Variants in USP16 observed in about 807,000 individuals in gnomAD.
USP16 encodes the protein ubiquitin carboxyl-terminal hydrolase 16.
Under a neutral mutation model 95.9 loss-of-function variants are expected in USP16, and 77 were observed. The ratio of observed to expected loss-of-function variants is 0.80; its 90% CI spans 0.67 to 0.97. The LOEUF is 0.97. Among genes scored for constraint, USP16 ranks in the 50% least tolerant of loss-of-function variants. The pLI, the probability that USP16 is intolerant of heterozygous loss-of-function variation, is 0.00. For missense variants in USP16, 943 were observed against 959.9 expected, an observed-to-expected ratio of 0.98 and a Z score of 0.23; for synonymous variants, 303 against 318.2, an observed-to-expected ratio of 0.95 and a Z score of 0.51.
At chr21:29,030,093 A>G (rs892579727) in intron 2 of USP16, among the ~76,000 whole-genome samples, 2 of 151,738 alleles carry the variant, frequency 1.3e-5, no homozygotes, top group African/African-American at 4.8e-5. Context: ...CTGCTATACC[A>G]TGTTTCGGAG....
chr21:29,028,085 A>G (rs915025082), intron 2 of USP16, 111 bp downstream of exon 2: 2 of 808,312 alleles, frequency 2.5e-6, no homozygotes, highest in Admixed American at 2.8e-5. Context: ...GCATTTTAAT[A>G]TAATGTTTGT....
At chr21:29,051,749 G>T (rs1399825413) in intron 16 of USP16, among the ~76,000 whole-genome samples, 2 of 151,948 alleles carry the variant, frequency 1.3e-5, no homozygotes, top group African/African-American at 4.8e-5. Flanking sequence ...GAGAATTGCT[G>T]GAACCTGGGA....
intron 3 of USP16, among the ~76,000 whole-genome samples, chr21:29,031,838 A>C (rs2085081803): frequency 6.6e-6 from 1 of 152,184 alleles, no homozygotes; most frequent in Non-Finnish European, 1.5e-5. Flanking sequence ...ATCCCTATGC[A>C]TTTTTCTCAG....
Position 29,050,172 on chromosome 21 carries a change from A to G in USP16, c.2187A>G (p.Lys729=). 6.2e-7 allele frequency: 1 copy of G among 1,612,864 alleles called. No homozygotes were observed. Among genetic ancestry groups the G allele is most frequent in the African/African-American group, 1.3e-5 (1 of 75,002 alleles). The stretch of plus-strand genomic sequence containing the variant: ...ATTTGGCTCCTTTTTGCACCCTTAA[A>G]TGTAAGGTAAGTCAAAGTGGTCTTT... ...ILDLAPFCTL[K]CKNVAEENTR... Residue 729 remains lysine, a synonymous_variant, in exon 16 of 18, where the codon AAA becomes AAG. Coordinates refer to ENST00000399976, the MANE Select transcript of USP16 (RefSeq NM_006447.3).
rs2085276023 is a variant in USP16 at position 29,043,520 on chromosome 21, A to G, written c.1277A>G (p.Lys426Arg). ...EEEKDNDSYI[K>R]ERSDIPSGTS... ...GAAAAAGATAACGACAGTTACATAAAAGAGAGAAGTGATATTCCTTCTGGA... is the reference window on the plus strand; with the variant it reads ...GAAAAAGATAACGACAGTTACATAAGAGAGAGAAGTGATATTCCTTCTGGA... Residue 426 changes from lysine (K) to arginine (R), a missense_variant, in exon 13 of 18, where the codon AAA becomes AGA. Coordinates refer to ENST00000399976, the MANE Select transcript of USP16 (RefSeq NM_006447.3). The G allele has an allele frequency of 1.2e-6, 2 of 1,601,682 alleles. No individual in the cohort carries two copies. Among genetic ancestry groups the G allele is most frequent in the Non-Finnish European group, 8.5e-7 (1 of 1,175,462 alleles).
chr21:29,049,954 G>C, intron 15 of USP16, 138 bp from the exon 16 acceptor site: 1 of 725,474 alleles, frequency 1.4e-6, no homozygotes, highest in South Asian at 2.1e-5. Context: ...TTAGTGTTCA[G>C]GAAGAATTGA....
rs2085338107 is a variant in USP16 at position 29,047,131 on chromosome 21, G to A, written c.1821G>A (p.Glu607=). Reference sequence around the variant, plus strand: ...ATACTCCTGGAACAAAGGTGTATGAGGTTGTAAATGAAGATCCAGAAACTG... The same window carrying A: ...ATACTCCTGGAACAAAGGTGTATGAAGTTGTAAATGAAGATCCAGAAACTG... ...DSHTPGTKVY[E]VVNEDPETAF... is the part of the protein sequence containing the mutation. The change falls in exon 14 of 18, where the codon GAG becomes GAA. Residue 607 remains glutamate, a synonymous_variant. Transcript: ENST00000399976. 1.2e-6 allele frequency: 2 copies of A among 1,613,960 alleles called. No homozygotes were observed. Among genetic ancestry groups the A allele is most frequent in the African/African-American group, 1.3e-5 (1 of 74,922 alleles).
intron 3 of USP16, 120 bp from the exon 4 acceptor site, chr21:29,034,717 T>C: frequency 2.2e-6 from 2 of 910,710 alleles, no homozygotes; most frequent in Non-Finnish European, 3.4e-6. Context: ...AACATTTTCT[T>C]TTCAAGATTG....
rs145151930 is a variant in USP16 at position 29,033,713 on chromosome 21, C to A, written c.241-1124C>A. 2.2e-4 allele frequency among the ~76,000 whole-genome samples: 34 copies of A among 152,136 alleles called. No individual in the cohort carries two copies. In the East Asian group the frequency reaches 4.4e-3, roughly 20 times the overall value. Reference sequence around the variant, plus strand: ...GCCTTGAGCCTTTGGGATTTATAGACCAGGTGAGAAAGGATATAAATATCA... The same window carrying A: ...GCCTTGAGCCTTTGGGATTTATAGAACAGGTGAGAAAGGATATAAATATCA... On this transcript the variant is annotated intron_variant, in intron 3 of 17. Transcript: ENST00000399976.
intron 16 of USP16, among the ~76,000 whole-genome samples, chr21:29,051,802 C>T (rs1225464168): frequency 6.6e-6 from 1 of 151,518 alleles, no homozygotes; most frequent in Admixed American, 6.6e-5. Context: ...TGCACTCCTG[C>T]CTAGGTGACA....
chr21:29,046,288 C>T (rs553518546), intron 13 of USP16, among the ~76,000 whole-genome samples: 2 of 152,192 alleles, frequency 1.3e-5, no homozygotes, highest in African/African-American at 4.8e-5. Flanking sequence ...AGGTGGACAC[C>T]AACGTGCCCA....
At chr21:29,037,988 C>T (rs184890629) in intron 6 of USP16, among the ~76,000 whole-genome samples, 9 of 152,316 alleles carry the variant, frequency 5.9e-5, no homozygotes, top group African/African-American at 1.9e-4. Context: ...TTTCATGGAG[C>T]TTGCACTTGG....
intron 3 of USP16, among the ~76,000 whole-genome samples, chr21:29,033,921 T>A (rs2085113583): frequency 6.6e-6 from 1 of 152,218 alleles, no homozygotes; most frequent in South Asian, 2.1e-4. Flanking sequence ...GGTAGCAGTG[T>A]TCATAAAGGA....
chr21:29,048,609 C>T (rs2085366610), intron 14 of USP16, 152 bp from the exon 15 acceptor site: 3 of 580,526 alleles, frequency 5.2e-6, no homozygotes, highest in South Asian at 5.2e-5. Context: ...GCCTCTTACT[C>T]CACAAATTCT....
rs769773454 is a variant in USP16, at chr21:29,047,193, C to T, written c.1883C>T (p.Thr628Ile). ...CTLANREVFN[T>I]DECSIQHCLY... The stretch of plus-strand genomic sequence containing the variant: ...CTTGCAAACAGGGAAGTTTTCAATA[C>T]TGATGAGTGTTCAATCCAACATTGT... Residue 628 changes from threonine to isoleucine, a missense_variant, in exon 14 of 18, where the codon ACT becomes ATT. Physicochemically the swap from Thr to Ile is moderately conservative, Grantham distance 89. Transcript: ENST00000399976. 1 of 1,614,172 alleles carries T rather than the reference C, an allele frequency of 6.2e-7. No homozygotes were observed. The highest frequency in any genetic ancestry group is 1.1e-5 in the South Asian group (1 of 91,084).
intron 3 of USP16, among the ~76,000 whole-genome samples, chr21:29,033,744 G>T (rs146674724): frequency 3.7e-4 from 56 of 152,288 alleles, no homozygotes; most frequent in African/African-American, 1.3e-3. Flanking sequence ...TATCAATAAC[G>T]TTAGTACAAG....
chr21:29,051,745 T>G (rs1384904647), intron 16 of USP16, among the ~76,000 whole-genome samples: 2 of 151,746 alleles, frequency 1.3e-5, no homozygotes, highest in African/African-American at 4.8e-5. Context: ...GCAGGAGAAT[T>G]GCTGGAACCT....
At chr21:29,024,846 T>G in intron 1 of USP16, 69 bp downstream of exon 1, 1 of 1,224,892 alleles carries the variant, frequency 8.2e-7, no homozygotes. Context: ...AGCTCCTGTT[T>G]TCCGCCCCAA....
intron 16 of USP16, 139 bp downstream of exon 16, chr21:29,050,317 TAA>T (rs2146400089): frequency 4.5e-6 from 3 of 668,448 alleles, no homozygotes; most frequent in Non-Finnish European, 7.3e-6. Context: ...TGTACCTTTA[TAA>T]TTTGAAGATT....
Sources: gnomAD v4.1 joint callset for allele counts (sites outside exome capture counted in the v4.1 genomes callset) on GRCh38, gnomAD v4.1.1 for gene constraint, MANE v1.5 for transcripts, NCBI Gene and HGNC (gene_info 2026-07-23, HGNC 2026-07-21) for gene names.